Variants in ANO1 observed in about 807,000 individuals in gnomAD.
ANO1 encodes anoctamin-1.
In ANO1, 59 loss-of-function variants were observed where a neutral mutation model predicts 124.0. That is an observed-to-expected ratio of 0.48 (90% CI 0.39 to 0.59). The LOEUF (loss-of-function observed/expected upper bound fraction) is 0.59, where lower values mean the gene tolerates loss of function less well. Among genes scored for constraint, ANO1 ranks in the 20% least tolerant of loss-of-function variants. The pLI, the probability that ANO1 is intolerant of heterozygous loss-of-function variation, is 0.00. For missense variants in ANO1, 1,059 were observed against 1,328.0 expected (o/e 0.80, Z 3.15); for synonymous variants, 529 against 532.0 (o/e 0.99, Z 0.08).
intron 12 of ANO1, among the ~76,000 whole-genome samples, chr11:70,150,525 T>G (rs952071855): frequency 2.2e-4 from 34 of 152,184 alleles, no homozygotes; most frequent in African/African-American, 8.2e-4. Context: ...ACTATTTAAT[T>G]TTATAAAACA....
chr11:70,170,292 C>T (rs2048411364), intron 21 of ANO1: 5 of 369,214 alleles, frequency 1.4e-5, no homozygotes, highest in South Asian at 9.5e-5. Context: ...GGTCCTTTTC[C>T]TTTTGGCGAT....
In ANO1 at chr11:70,095,346, AAAAGAAAGAAAGAAAGAAAGAAAG is replaced by A. The variant is rs540551294; in HGVS notation, c.441+7322_441+7345del. ...GAAAGAAAGAAAGGAAAGAGAAAGA[AAAAGAAAGAAAGAAAGAAAGAAAG>A]AAAGAAAGAAAGAAAGAAAGAAAGA... On this transcript the variant is annotated intron_variant, in intron 2 of 25. Coordinates refer to ENST00000355303, the MANE Select transcript of ANO1 (RefSeq NM_018043.7). Among the ~76,000 whole-genome samples, 166 of 104,596 alleles carry A rather than the reference AAAAGAAAGAAAGAAAGAAAGAAAG, an allele frequency of 1.6e-3. 3 individuals carry two copies. The highest frequency in any genetic ancestry group is 3.2e-3 in the African/African-American group (88 of 27,532). The allele number at this position is 104,596 out of a possible 152,430, so 68.6% of individuals were successfully genotyped here.
At chr11:70,004,900 G>A (rs1270639387) in intron 1 of ANO1, among the ~76,000 whole-genome samples, 1 of 152,098 alleles carries the variant, frequency 6.6e-6, no homozygotes, top group Non-Finnish European at 1.5e-5. Context: ...ATCACCTGAG[G>A]TCAGGAGTTC....
chr11:70,026,328 T>C (rs1555003227), intron 1 of ANO1, among the ~76,000 whole-genome samples: 1 of 146,208 alleles, frequency 6.8e-6, no homozygotes, highest in Non-Finnish European at 1.5e-5. Context: ...TTGATGATGG[T>C]GGTGGTGGTG....
intron 11 of ANO1, among the ~76,000 whole-genome samples, chr11:70,147,993 G>A (rs1020276645): frequency 5.9e-5 from 9 of 152,222 alleles, no homozygotes; most frequent in South Asian, 2.1e-4. Flanking sequence ...AGGCTGGGCC[G>A]GCCGATACAG....
intron 1 of ANO1, among the ~76,000 whole-genome samples, chr11:70,023,311 A>G (rs538256887): frequency 5.7e-4 from 87 of 152,286 alleles, no homozygotes; most frequent in Non-Finnish European, 1.1e-3. Context: ...ATTTAGCAGG[A>G]GCATGGCCAT....
At chr11:70,007,277 T>TTTC (rs1555000245) in intron 1 of ANO1, among the ~76,000 whole-genome samples, 105 of 16,154 alleles carry the variant, frequency 6.5e-3, no homozygotes, top group Middle Eastern at 0.04. Flanking sequence ...TTCTTTCTTT[T>TTTC]TTTTTTTTTT....
chr11:69,975,749 C>T, the ANO1 span, among the ~76,000 whole-genome samples: 1 of 152,274 alleles, frequency 6.6e-6, no homozygotes, highest in Non-Finnish European at 1.5e-5. Context: ...CCAGAGCTCA[C>T]CAGCCAGCGA....
At chr11:70,108,836 C>T (rs991241416) in intron 6 of ANO1, among the ~76,000 whole-genome samples, 3 of 152,170 alleles carry the variant, frequency 2.0e-5, no homozygotes, top group Non-Finnish European at 4.4e-5. Context: ...GAAAGCAGCG[C>T]CCCCTGACCA....
rs763601198 is a variant in ANO1 at position 70,188,139 on chromosome 11, G to C, written c.*135G>C. On this transcript the variant is annotated 3_prime_UTR_variant, in exon 26 of 26. Transcript: ENST00000355303. ...CTGCAAACATGGAGGACCACTTTCT[G>C]ATAGGACATTTTCCTTTCTTCTTTC... is the stretch of plus-strand genomic sequence containing the variant. 4 of 1,000,256 alleles carry C rather than the reference G, an allele frequency of 4.0e-6. No individual in the cohort carries two copies. The highest frequency in any genetic ancestry group is 5.7e-6 in the Non-Finnish European group (4 of 702,838). 62.0% of individuals were successfully genotyped at this position (1,000,256 alleles called of 1,614,324 possible). A position where few individuals can be genotyped will look rare whatever the true frequency, so the allele number is the denominator to read the frequency against.
chr11:70,056,472 T>G (rs1857436237), intron 1 of ANO1: 1 of 152,118 alleles, frequency 6.6e-6, no homozygotes, highest in Non-Finnish European at 1.5e-5. Context: ...CCAATTTTGC[T>G]ATGATGGGCT....
Position 70,105,754 on chromosome 11 carries a change from A to G in ANO1, c.713A>G (p.Asp238Gly), listed in dbSNP as rs1732230462. 1 of 1,613,444 alleles carries G rather than the reference A, an allele frequency of 6.2e-7. No homozygotes were observed. Among genetic ancestry groups the G allele is most frequent in the African/African-American group, 1.3e-5 (1 of 74,862 alleles). Reference protein sequence around the residue: ...KQHLFDLSDKDSFFDSKTRST... With the variant: ...KQHLFDLSDKGSFFDSKTRST... ...CACAGATTTGACTTGTCTGATAAGGATTCCTTTTTCGACAGCAAAACCCGG... is the reference window on the plus strand; with the variant it reads ...CACAGATTTGACTTGTCTGATAAGGGTTCCTTTTTCGACAGCAAAACCCGG... The change falls in exon 5 of 26, where the codon GAT (aspartate) becomes GGT (glycine). Residue 238 changes from aspartate to glycine, a missense_variant. This residue lies in a region of ANO1 where 809 missense variants were observed against 1,094.9 expected (regional missense o/e 0.74). Transcript: ENST00000355303.
intron 1 of ANO1, among the ~76,000 whole-genome samples, chr11:70,028,313 G>C (rs911348825): frequency 1.3e-5 from 2 of 152,306 alleles, no homozygotes; most frequent in Non-Finnish European, 2.9e-5. Flanking sequence ...CTGATGCTGA[G>C]CTAAGGGTAA....
At chr11:70,186,846 T>A (rs1366483922) in intron 25 of ANO1, among the ~76,000 whole-genome samples, 1 of 152,206 alleles carries the variant, frequency 6.6e-6, no homozygotes, top group Non-Finnish European at 1.5e-5. Flanking sequence ...AGTGGCCCCA[T>A]CCATCAGCTT....
chr11:70,046,135 G>C (rs1434036497), intron 1 of ANO1, among the ~76,000 whole-genome samples: 1 of 152,130 alleles, frequency 6.6e-6, no homozygotes, highest in Admixed American at 6.5e-5. Context: ...ATGAAACAAA[G>C]GTTGAGCTCA....
At chr11:70,144,007 T>A (rs1022512935) in intron 11 of ANO1, among the ~76,000 whole-genome samples, 6 of 149,634 alleles carry the variant, frequency 4.0e-5, no homozygotes, top group East Asian at 2.1e-4. Flanking sequence ...CCCCAGCCCC[T>A]GGCAACTACC....
chr11:70,094,944 T>G (rs2004963), intron 2 of ANO1, among the ~76,000 whole-genome samples: 1 of 152,010 alleles, frequency 6.6e-6, no homozygotes, highest in South Asian at 2.1e-4. Flanking sequence ...CCATGGCTCA[T>G]GCCTATAATC....
Position 70,088,046 on chromosome 11 carries a change from C to T in ANO1, c.403C>T (p.Leu135Phe). 2.1e-6 allele frequency: 3 copies of T among 1,445,240 alleles called. No individual in the cohort carries two copies. Among genetic ancestry groups the T allele is most frequent in the Non-Finnish European group, 2.7e-6 (3 of 1,097,148 alleles). 89.5% of individuals were successfully genotyped at this position (1,445,240 alleles called of 1,614,324 possible). The change falls in exon 2 of 26, where the codon CTC becomes TTC. Residue 135 changes from leucine (L) to phenylalanine (F), a missense_variant. Leu to Phe is a conservative substitution (Grantham distance 22, BLOSUM62 0). Coordinates refer to ENST00000355303, the MANE Select transcript of ANO1 (RefSeq NM_018043.7). The part of the protein sequence containing the change: ...RFRREEYEGN[L>F]LEAGLELERD... ...CCGCAGGGAGGAGTACGAGGGCAAC[C>T]TCCTGGAGGCGGGCCTGGAGCTGGA...
intron 1 of ANO1, among the ~76,000 whole-genome samples, chr11:70,001,169 C>G (rs909070674): frequency 2.6e-5 from 4 of 152,154 alleles, no homozygotes; most frequent in Admixed American, 6.5e-5. Context: ...TGGCCAGAGG[C>G]CACCTGCTCC....
Sources: allele counts gnomAD v4.1 joint callset (sites outside exome capture counted in the v4.1 genomes callset), GRCh38; gene constraint gnomAD v4.1.1; regional missense constraint gnomAD v4.1.1; transcripts MANE v1.5; gene names NCBI Gene and HGNC (gene_info 2026-07-23, HGNC 2026-07-21).